The following PSME4 variants were observed in gnomAD, a reference collection of about 807,000 sequenced individuals.
PSME4 encodes the protein proteasome activator subunit 4.
Under a neutral mutation model 253.9 loss-of-function variants are expected in PSME4, and 89 were observed. The ratio of observed to expected loss-of-function variants is 0.35; its 90% CI spans 0.30 to 0.42. The LOEUF is 0.42. Ranked by LOEUF, PSME4 falls within the 10% of genes least tolerant of loss-of-function variation. PSME4 has a pLI of 1.00. For missense variants in PSME4, 2,014 were observed against 2,195.2 expected (o/e 0.92, Z 1.65); for synonymous variants, 851 against 759.2 (o/e 1.12, Z -1.99).
At chr2:53,896,392 T>C (rs1680138754) in intron 32 of PSME4, among the ~76,000 whole-genome samples, 1 of 152,152 alleles carries the variant, frequency 6.6e-6, no homozygotes, top group South Asian at 2.1e-4. Flanking sequence ...AAATGCAATG[T>C]TTTAATCCTG....
intron 33 of PSME4, 103 bp from the exon 34 acceptor site, chr2:53,895,179 G>C: frequency 2.0e-6 from 2 of 978,082 alleles, no homozygotes; most frequent in African/African-American, 3.3e-5. Context: ...CTAACTAGAT[G>C]CTAAGTTTGG....
chr2:53,868,317 T>C (rs1678670802), intron 44 of PSME4, among the ~76,000 whole-genome samples: 1 of 150,850 alleles, frequency 6.6e-6, no homozygotes, highest in Non-Finnish European at 1.5e-5. Flanking sequence ...CCAGGTGTAG[T>C]AGCGCGCGCC....
chr2:53,957,504 G>A (rs1293915617), intron 1 of PSME4, among the ~76,000 whole-genome samples: 2 of 152,132 alleles, frequency 1.3e-5, no homozygotes, highest in African/African-American at 4.8e-5. Context: ...TCACAACAGG[G>A]ATTGTGCTCC....
intron 40 of PSME4, 61 bp downstream of exon 40, chr2:53,887,198 A>C: frequency 6.9e-7 from 1 of 1,443,064 alleles, no homozygotes; most frequent in South Asian, 1.2e-5. Context: ...GGTGCAAAAA[A>C]CTCTACAGGA....
Position 53,923,316 on chromosome 2 carries a change from C to T in PSME4, c.1908+5G>A, listed in dbSNP as rs779618850. 7.5e-6 allele frequency: 12 copies of T among 1,591,874 alleles called. No individual in the cohort carries two copies. The Admixed American group carries it at 1.5e-4, about 20-fold the overall frequency. On this transcript the variant is annotated splice_donor_5th_base_variant and intron_variant, in intron 15 of 46. Coordinates refer to ENST00000404125, the MANE Select transcript of PSME4 (RefSeq NM_014614.3). ...TAATACATCAGTTCAAAAAAATAAA[C>T]TCACCTTTACAGCAGCGCGGCACAT...
At chr2:53,968,197 C>A (rs1573395216) in intron 1 of PSME4, among the ~76,000 whole-genome samples, 2 of 151,746 alleles carry the variant, frequency 1.3e-5, no homozygotes, top group East Asian at 3.9e-4. Context: ...ATCGCTTGAA[C>A]CCGAAAGGCA....
chr2:53,908,661 C>A, intron 22 of PSME4, 96 bp from the exon 23 acceptor site: 1 of 1,455,834 alleles, frequency 6.9e-7, no homozygotes, highest in East Asian at 2.3e-5. Flanking sequence ...GAAAAAAAAT[C>A]ACTGCCCAAT....
chr2:53,882,888 T>C (rs1191695210), intron 41 of PSME4, among the ~76,000 whole-genome samples: 2 of 145,838 alleles, frequency 1.4e-5, no homozygotes, highest in African/African-American at 5.0e-5. Context: ...GAAAATAACA[T>C]TTGAGGAAAT....
chr2:53,883,191 G>GT (rs898103593), intron 41 of PSME4, among the ~76,000 whole-genome samples: 4 of 151,986 alleles, frequency 2.6e-5, no homozygotes, highest in Non-Finnish European at 4.4e-5. Context: ...AAACTTCAAA[G>GT]TTTTTTTTAT....
chr2:53,887,445 T>C lies in PSME4; in HGVS notation c.4543A>G (p.Ile1515Val). Residue 1515 changes from isoleucine (I) to valine (V), a missense_variant, in exon 40 of 47, where the codon ATA becomes GTA. Physicochemically the swap from Ile to Val is conservative, Grantham distance 29 (BLOSUM62 3). Around this residue, in one of 4 missense-constraint regions of PSME4, gnomAD observed 403 missense variants for 556.1 expected, o/e 0.72. Transcript: ENST00000404125. ...GTGGTATTTGGCAAAGATACATCTA[T>C]CATGAATATGTAGGTCAGCACACTG... ...IGSVLTYIFM[I>V]DVSLPNTTPT... The C allele has an allele frequency of 6.2e-7, 1 of 1,613,428 alleles. No individual in the cohort carries two copies. Among genetic ancestry groups the C allele is most frequent in the Non-Finnish European group, 8.5e-7 (1 of 1,179,388 alleles).
chr2:53,869,600 A>AG (rs200037475), intron 43 of PSME4, 62 bp from the exon 44 acceptor site: 1 of 1,346,370 alleles, frequency 7.4e-7, no homozygotes, highest in African/African-American at 1.4e-5. Flanking sequence ...AATGGAGGAT[A>AG]GGGGGTAGTG....
At chr2:53,945,779 C>G (rs950378059) in intron 3 of PSME4, among the ~76,000 whole-genome samples, 1 of 152,082 alleles carries the variant, frequency 6.6e-6, no homozygotes, top group Admixed American at 6.5e-5. Context: ...AGTATGAACA[C>G]ATGTAGTCAG....
rs758230964 is a variant in PSME4, at chr2:53,923,136, T to C, written c.1909-18A>G. On this transcript the variant is annotated intron_variant, in intron 15 of 46. Coordinates refer to ENST00000404125, the MANE Select transcript of PSME4 (RefSeq NM_014614.3). ...GGGCAGCACTGAAAATGTATTTGTA[T>C]AAGTAAGGCTTTTTTGAAAGGCAAA... 4 of 1,586,554 alleles carry C rather than the reference T, an allele frequency of 2.5e-6. No individual in the cohort carries two copies. Among genetic ancestry groups the C allele is most frequent in the Non-Finnish European group, 3.4e-6 (4 of 1,164,706 alleles).
chr2:53,903,752 G>C (rs150560857), intron 27 of PSME4, among the ~76,000 whole-genome samples: 1 of 152,106 alleles, frequency 6.6e-6, no homozygotes, highest in East Asian at 1.9e-4. Context: ...TCATAATACT[G>C]ATCACAAACA....
intron 25 of PSME4, 36 bp from the exon 26 acceptor site, chr2:53,906,729 A>C (rs1295637552): frequency 6.3e-7 from 1 of 1,594,276 alleles, no homozygotes; most frequent in Non-Finnish European, 8.5e-7. Context: ...CTAAAATTTG[A>C]TTATGAAAAC....
intron 21 of PSME4, 151 bp downstream of exon 21, chr2:53,909,924 C>A (rs1399170655): frequency 2.7e-6 from 2 of 732,448 alleles, no homozygotes; most frequent in Non-Finnish European, 4.9e-6. Flanking sequence ...GAGCAGAGAT[C>A]GCGTCACCAC....
intron 41 of PSME4, among the ~76,000 whole-genome samples, chr2:53,878,257 T>C (rs961501882): frequency 6.6e-6 from 1 of 152,244 alleles, no homozygotes; most frequent in Non-Finnish European, 1.5e-5. Flanking sequence ...GAAGACTTCA[T>C]GCACACTTAT....
intron 39 of PSME4, 111 bp from the exon 40 acceptor site, chr2:53,887,578 T>C (rs1209669987): frequency 1.9e-6 from 2 of 1,046,804 alleles, no homozygotes; most frequent in Non-Finnish European, 2.8e-6. Flanking sequence ...ATTCCTGGAG[T>C]GGGTCTTAGA....
At chr2:53,907,020 TATATAAAA>T in intron 24 of PSME4, 152 bp from the exon 25 acceptor site, 1 of 592,394 alleles carries the variant, frequency 1.7e-6, no homozygotes. Context: ...ACATCAGGCT[TATATAAAA>T]ATGTTGTCTT....
Sources: gnomAD v4.1 joint callset for allele counts (sites outside exome capture counted in the v4.1 genomes callset) on GRCh38, gnomAD v4.1.1 for gene constraint, gnomAD v4.1.1 regional missense constraint, MANE v1.5 for transcripts, NCBI Gene and HGNC (gene_info 2026-07-23, HGNC 2026-07-21) for gene names.